The following COL11A2 variants were observed in gnomAD, a reference collection of about 807,000 sequenced individuals.
COL11A2 encodes collagen alpha-2(XI) chain.
COL11A2 carries 116 observed loss-of-function variants against 273.4 expected under a neutral mutation model. The observed-to-expected ratio is 0.42, with a 90% CI of 0.36 to 0.49. The LOEUF (loss-of-function observed/expected upper bound fraction) is 0.49. Ranked by LOEUF, COL11A2 falls within the 20% of genes least tolerant of loss-of-function variation. COL11A2 has a pLI of 0.00. For missense variants in COL11A2, 1,866 were observed against 2,309.0 expected, an observed-to-expected ratio of 0.81 and a Z score of 3.93; for synonymous variants, 782 against 864.2, an observed-to-expected ratio of 0.90 and a Z score of 1.67.
chr6:33,169,524 G>T lies in COL11A2; in HGVS notation c.3691-34C>A. On this transcript the variant is annotated intron_variant, in intron 50 of 65. Transcript: ENST00000341947. This position sits in a 1 kb window ranked among gnomAD's most constrained non-coding sequence, Gnocchi z 5.5. Reference sequence around the variant, plus strand: ...CAAGCGGAGGACACAGATGGCCCAGGGAATCTTGAAGATCAGGGATGCAGC... The same window carrying T: ...CAAGCGGAGGACACAGATGGCCCAGTGAATCTTGAAGATCAGGGATGCAGC... 1 of 1,601,366 alleles carries T rather than the reference G, an allele frequency of 6.2e-7. No individual in the cohort carries two copies.
rs10428747 is a variant in COL11A2, at chr6:33,172,236, G to C, written c.2988+53C>G. ...GGGTCAGGGACAGGGTCGGGGTGGG[G>C]ACTCAGGATGCTTGGTGCTTGTGAC... On this transcript the variant is annotated intron_variant, in intron 40 of 65. Transcript: ENST00000341947. The C allele has an allele frequency of 1.8e-4, 268 of 1,481,708 alleles. 1 individual carries two copies. The African/African-American group carries it at 2.4e-3, about 13-fold the overall frequency. The allele number at this position is 1,481,708 out of a possible 1,614,324, so 91.8% of individuals were successfully genotyped here.
chr6:33,181,061 C>T lies in COL11A2; in HGVS notation c.1179+50G>A, dbSNP rs779416470. 7.4e-6 allele frequency: 12 copies of T among 1,614,032 alleles called. No individual in the cohort carries two copies. In the East Asian group the frequency reaches 2.5e-4, roughly 33 times the overall value. ...GACAGGACCAGCACACTCAACCCCA[C>T]TTGCTTCTCCTATTTCCACTGCCTC... On this transcript the variant is annotated intron_variant, in intron 9 of 65. Transcript: ENST00000341947.
rs1771050254 is a variant in COL11A2 at position 33,177,254 on chromosome 6, G to T, written c.1972-29C>A. 6.2e-7 allele frequency: 1 copy of T among 1,612,860 alleles called. No homozygotes were observed. Among genetic ancestry groups the T allele is most frequent in the African/African-American group, 1.3e-5 (1 of 75,020 alleles). On this transcript the variant is annotated intron_variant, in intron 23 of 65. Transcript: ENST00000341947. The surrounding 1 kb of genome is among the most constrained non-coding windows in gnomAD (Gnocchi z 5.9). Reference sequence around the variant, plus strand: ...CATACAGGGAAAGAGAAGTCACAGGGGCCTCCCAGGGTCTCTTCTATCCAG... The same window carrying T: ...CATACAGGGAAAGAGAAGTCACAGGTGCCTCCCAGGGTCTCTTCTATCCAG...
chr6:33,184,046 A>G, intron 8 of COL11A2, 99 bp downstream of exon 8: 1 of 1,080,136 alleles, frequency 9.3e-7, no homozygotes, highest in South Asian at 1.2e-5. Flanking sequence ...CAGATGGGAA[A>G]TAGCTCACAG....
Position 33,165,852 on chromosome 6 carries a change from A to G in COL11A2, c.4483-36T>C, listed in dbSNP as rs767424869. On this transcript the variant is annotated intron_variant, in intron 62 of 65. Transcript: ENST00000341947. This position sits in a 1 kb window ranked among gnomAD's most constrained non-coding sequence, Gnocchi z 7.7. Reference sequence around the variant, plus strand: ...GGACAGATGGAGAGGGCAAGAGACAAGGTTGGTGTGAGGGTGAAGTGTGGC... The same window carrying G: ...GGACAGATGGAGAGGGCAAGAGACAGGGTTGGTGTGAGGGTGAAGTGTGGC... The G allele has an allele frequency of 1.5e-5, 25 of 1,613,544 alleles. No individual in the cohort carries two copies. The South Asian group carries it at 2.6e-4, about 17-fold the overall frequency.
At position 33,181,181 on chromosome 6, in the gene COL11A2, C is replaced by G; in HGVS notation, c.1120-11G>C. ...GGGTCCATGGGCAGCCTGAAGGAGACACACATGTAGCCCCCAGTGGGGCCC... is the reference window on the plus strand; with the variant it reads ...GGGTCCATGGGCAGCCTGAAGGAGAGACACATGTAGCCCCCAGTGGGGCCC... On this transcript the variant is annotated splice_polypyrimidine_tract_variant and intron_variant, in intron 8 of 65. Transcript: ENST00000341947. 6.2e-7 allele frequency: 1 copy of G among 1,614,162 alleles called. No individual in the cohort carries two copies. The highest frequency in any genetic ancestry group is 8.5e-7 in the Non-Finnish European group (1 of 1,180,012).
rs1324492341 is a variant in COL11A2, at chr6:33,164,285, T to A, written c.5052A>T (p.Glu1684Asp). The change falls in exon 65 of 66, where the codon GAA (glutamate) becomes GAT (aspartate). Residue 1684 changes from glutamate (E) to aspartate (D), a missense_variant. Transcript: ENST00000341947. This position sits in a 1 kb window ranked among gnomAD's most constrained non-coding sequence, Gnocchi z 4.7. ...TTCCCACCTGGCAGCCATCTCTGAA[T>A]TCTTTGACATAGGGGCTAGTCTCCG... Reference protein sequence around the residue: ...LSPETSPYVKEFRDGCQTQQG... With the variant: ...LSPETSPYVKDFRDGCQTQQG... The A allele has an allele frequency of 6.2e-7, 1 of 1,612,978 alleles. No homozygotes were observed. The highest frequency in any genetic ancestry group is 1.7e-5 in the Admixed American group (1 of 60,006).
chr6:33,180,655 GAC>G lies in COL11A2; in HGVS notation c.1284+11_1284+12del, dbSNP rs1771605640. On this transcript the variant is annotated intron_variant, in intron 11 of 65. Coordinates refer to ENST00000341947, the MANE Select transcript of COL11A2 (RefSeq NM_080680.3). ...CCCGAAGCTCCCCCGTCACATGGAG[GAC>G]ACCCCCTTACCCTCTCTCCAGGGTC... 2 of 1,600,642 alleles carry G rather than the reference GAC, an allele frequency of 1.2e-6. No homozygotes were observed. Among genetic ancestry groups the G allele is most frequent in the Non-Finnish European group, 1.7e-6 (2 of 1,174,018 alleles).
rs371874142 is a variant in COL11A2, at chr6:33,164,195, A to G, written c.5070+72T>C. Reference sequence around the variant, plus strand: ...CTGCTCCCCCTGGGTGCCCTGCCCAAGGGGTCTTCCCACCTCCTTCCTCCA... The same window carrying G: ...CTGCTCCCCCTGGGTGCCCTGCCCAGGGGGTCTTCCCACCTCCTTCCTCCA... On this transcript the variant is annotated intron_variant, in intron 65 of 65. Coordinates refer to ENST00000341947, the MANE Select transcript of COL11A2 (RefSeq NM_080680.3). This position sits in a 1 kb window ranked among gnomAD's most constrained non-coding sequence, Gnocchi z 4.7. 6,220 of 1,557,580 alleles carry G rather than the reference A, an allele frequency of 4.0e-3. 264 individuals are homozygous for G. In the South Asian group the frequency reaches 0.064, roughly 16 times the overall value.
At position 33,163,229 on chromosome 6, in the gene COL11A2, C is replaced by A. The variant is rs371261711; in HGVS notation, c.*449G>T. On this transcript the variant is annotated 3_prime_UTR_variant, in exon 66 of 66. Transcript: ENST00000341947. This position sits in a 1 kb window ranked among gnomAD's most constrained non-coding sequence, Gnocchi z 4.1. ...ACAGTCACTGAGGAAAGTCCTGACTCCAGGATGTGGGTGCCGGAGCCCACC... is the reference window on the plus strand; with the variant it reads ...ACAGTCACTGAGGAAAGTCCTGACTACAGGATGTGGGTGCCGGAGCCCACC... 3.0e-3 allele frequency: 652 copies of A among 214,286 alleles called. 8 individuals are homozygous for A. Among genetic ancestry groups the A allele is most frequent in the African/African-American group, 0.015 (633 of 43,116 alleles). 13.3% of individuals were successfully genotyped at this position (214,286 alleles called of 1,614,324 possible).
intron 54 of COL11A2, among the ~76,000 whole-genome samples, chr6:33,168,246 C>T (rs975596602): frequency 3.9e-5 from 6 of 152,034 alleles, no homozygotes; most frequent in Non-Finnish European, 7.4e-5. Context: ...CCCGAGATAC[C>T]GCACACCCAT....
Position 33,170,305 on chromosome 6 carries a change from A to C in COL11A2, c.3582+21T>G, listed in dbSNP as rs1562325159. The C allele has an allele frequency of 6.2e-7, 1 of 1,612,544 alleles. No individual in the cohort carries two copies. The highest frequency in any genetic ancestry group is 8.5e-7 in the Non-Finnish European group (1 of 1,179,376). ...AGACCAGACACATTGGTCTCAAGGGACAGGGGCTGAGATGACTCACATCAG... is the reference window on the plus strand; with the variant it reads ...AGACCAGACACATTGGTCTCAAGGGCCAGGGGCTGAGATGACTCACATCAG... On this transcript the variant is annotated intron_variant, in intron 48 of 65. Coordinates refer to ENST00000341947, the MANE Select transcript of COL11A2 (RefSeq NM_080680.3). The surrounding 1 kb of genome is among the most constrained non-coding windows in gnomAD (Gnocchi z 4.3).
At chr6:33,187,355 C>T (rs1311878120) in intron 4 of COL11A2, among the ~76,000 whole-genome samples, 1 of 152,204 alleles carries the variant, frequency 6.6e-6, no homozygotes, top group Non-Finnish European at 1.5e-5. Flanking sequence ...CTCTCCATTG[C>T]ACCGTAATTT....
chr6:33,172,205 T>C (rs1583315090), intron 40 of COL11A2, 84 bp downstream of exon 40: 1 of 1,412,052 alleles, frequency 7.1e-7, no homozygotes, highest in Non-Finnish European at 9.8e-7. Context: ...GGGAGTGACA[T>C]GGAGGGGGTC....
chr6:33,191,450 A>C (rs1773097239), intron 1 of COL11A2, among the ~76,000 whole-genome samples: 2 of 152,240 alleles, frequency 1.3e-5, no homozygotes, highest in Admixed American at 1.3e-4. Flanking sequence ...TCCTGGGAAA[A>C]AGAAGGAAAA....
chr6:33,186,034 T>C (rs1772376691), intron 5 of COL11A2, among the ~76,000 whole-genome samples: 1 of 151,874 alleles, frequency 6.6e-6, no homozygotes, highest in Non-Finnish European at 1.5e-5. Flanking sequence ...CTCTGATCTT[T>C]AGACCACTGA....
At position 33,163,527 on chromosome 6, in the gene COL11A2, TC is replaced by T; in HGVS notation, c.*150del. On this transcript the variant is annotated 3_prime_UTR_variant, in exon 66 of 66. Coordinates refer to ENST00000341947, the MANE Select transcript of COL11A2 (RefSeq NM_080680.3). The surrounding 1 kb of genome is among the most constrained non-coding windows in gnomAD (Gnocchi z 4.1). Reference sequence around the variant, plus strand: ...GGTGTCCAGGCAACCACTTCACCCCTCCCCTGGCCTGCCCCGACTGAGGGCT... The same window carrying T: ...GGTGTCCAGGCAACCACTTCACCCCTCCCTGGCCTGCCCCGACTGAGGGCT... The T allele has an allele frequency of 8.1e-7, 1 of 1,231,896 alleles. No individual in the cohort carries two copies. The highest frequency in any genetic ancestry group is 1.2e-6 in the Non-Finnish European group (1 of 860,880). The allele number at this position is 1,231,896 out of a possible 1,614,324, so 76.3% of individuals were successfully genotyped here.
At position 33,174,021 on chromosome 6, in the gene COL11A2, C is replaced by T. The variant is rs538425732; in HGVS notation, c.2519G>A (p.Arg840Gln). 26 of 1,613,978 alleles carry T rather than the reference C, an allele frequency of 1.6e-5. No individual in the cohort carries two copies. The highest frequency in any genetic ancestry group is 3.3e-5 in the Admixed American group (2 of 60,024). The change falls in exon 33 of 66, where the codon CGG becomes CAG. Residue 840 changes from arginine to glutamine, a missense_variant. By Grantham distance (43) the Arg-to-Gln change is conservative (BLOSUM62 1). Transcript: ENST00000341947. ...CTCCCCTGCACTCACCGTGGGGCCC[C>T]GTTCTCCCCGAGGCCCTGACTTCCC... ...LSGKSGPRGE[R>Q]GPTGPRGQRG...
At position 33,173,767 on chromosome 6, in the gene COL11A2, A is replaced by C; in HGVS notation, c.2584-22T>G. Reference sequence around the variant, plus strand: ...TTCCCTGTGGGGGGAAACAGAGTCAAGGAGTGGGAAGAGCTGCTTTCCAGC... The same window carrying C: ...TTCCCTGTGGGGGGAAACAGAGTCACGGAGTGGGAAGAGCTGCTTTCCAGC... On this transcript the variant is annotated intron_variant, in intron 34 of 65. Coordinates refer to ENST00000341947, the MANE Select transcript of COL11A2 (RefSeq NM_080680.3). This position sits in a 1 kb window ranked among gnomAD's most constrained non-coding sequence, Gnocchi z 6.3. 1.9e-6 allele frequency: 3 copies of C among 1,604,134 alleles called. No homozygotes were observed. The East Asian group carries it at 6.7e-5, about 36-fold the overall frequency.
Sources: gnomAD v4.1 joint callset for allele counts (sites outside exome capture counted in the v4.1 genomes callset) on GRCh38, gnomAD v4.1.1 for gene constraint, Gnocchi (gnomAD v3.1) non-coding constraint, MANE v1.5 for transcripts, NCBI Gene and HGNC (gene_info 2026-07-23, HGNC 2026-07-21) for gene names.